Variants in COA8 observed in about 807,000 individuals in gnomAD.
COA8 encodes UPF0671 protein C14orf153.
A neutral mutation model predicts 22.0 loss-of-function variants in COA8; 20 were observed. The ratio of observed to expected loss-of-function variants is 0.91; its 90% confidence interval spans 0.64 to 1.32. COA8 has a LOEUF of 1.32. COA8 is among the 40% of genes most tolerant of loss of function. The pLI is 0.00. For synonymous variants in COA8, 105 were observed against 79.9 expected (o/e 1.31, Z -1.68); for missense variants, 266 against 230.0 (o/e 1.16, Z -1.01).
At chr14:103,584,077 G>C (rs552845547) in intron 3 of COA8, among the ~76,000 whole-genome samples, 1 of 151,950 alleles carries the variant, frequency 6.6e-6, no homozygotes, top group Non-Finnish European at 1.5e-5. Context: ...TCACTCTGTC[G>C]CCCAGGCTGA....
At position 103,563,086 on chromosome 14, in the gene COA8, G is replaced by C; in HGVS notation, c.85G>C (p.Glu29Gln). 6.5e-7 allele frequency: 1 copy of C among 1,540,444 alleles called. No individual in the cohort carries two copies. Among genetic ancestry groups the C allele is most frequent in the African/African-American group, 1.4e-5 (1 of 73,342 alleles). Residue 29 changes from glutamate (E) to glutamine (Q), a missense_variant, in exon 1 of 5, where the codon GAG becomes CAG. Glu to Gln is a conservative substitution (Grantham distance 29, BLOSUM62 2). Transcript: ENST00000409074. ...CTGCCGCGGCTGTCAACTCGCTCCG[G>C]AGCGCGGCGCCGAGCGCAGGGATAC... ...FACRGCQLAP[E>Q]RGAERRDTAP...
Position 103,571,555 on chromosome 14 carries a change from C to T in COA8, c.124-68C>T. On this transcript the variant is annotated intron_variant, in intron 1 of 4. Transcript: ENST00000409074. The stretch of plus-strand genomic sequence containing the variant: ...CCGTCTCTAAGTAAATAAATAAATC[C>T]AGATTGTACATTTTATAATACTAGA... 4 of 1,423,980 alleles carry T rather than the reference C, an allele frequency of 2.8e-6. No homozygotes were observed. In the South Asian group the frequency reaches 4.8e-5, roughly 17 times the overall value. 88.2% of individuals were successfully genotyped at this position (1,423,980 alleles called of 1,614,324 possible).
intron 1 of COA8, among the ~76,000 whole-genome samples, chr14:103,567,033 T>C (rs1420727390): frequency 2.0e-5 from 3 of 152,148 alleles, no homozygotes; most frequent in African/African-American, 4.8e-5. Flanking sequence ...TCAGCCTCTT[T>C]AGTAGCTGGG....
intron 3 of COA8, among the ~76,000 whole-genome samples, chr14:103,578,447 C>T (rs887035421): frequency 6.6e-6 from 1 of 152,184 alleles, no homozygotes; most frequent in Non-Finnish European, 1.5e-5. Context: ...AATTAAATCT[C>T]ATTTGTAAGG....
intron 3 of COA8, among the ~76,000 whole-genome samples, chr14:103,586,328 C>A (rs1320050128): frequency 6.6e-6 from 1 of 151,414 alleles, no homozygotes. Flanking sequence ...CTTCCCCGGC[C>A]TCTTGAGTAG....
chr14:103,580,518 G>A (rs574970126), intron 3 of COA8, among the ~76,000 whole-genome samples: 20 of 150,874 alleles, frequency 1.3e-4, no homozygotes, highest in African/African-American at 3.9e-4. Context: ...TTTTTGAAGC[G>A]GAGTCTCACT....
intron 3 of COA8, 155 bp downstream of exon 3, chr14:103,574,325 T>A: frequency 1.0e-6 from 1 of 976,656 alleles, no homozygotes; most frequent in Non-Finnish European, 1.6e-6. Flanking sequence ...CCAAGTTCTC[T>A]TGCACACCCA....
At chr14:103,579,289 C>T (rs538087857) in intron 3 of COA8, 9 of 178,072 alleles carry the variant, frequency 5.1e-5, no homozygotes, top group Non-Finnish European at 8.5e-5. Flanking sequence ...GTTCAACCAA[C>T]CACAGATTGA....
Position 103,581,036 on chromosome 14 carries a change from G to A in COA8, c.386-6238G>A, listed in dbSNP as rs2076263915. Among the ~76,000 whole-genome samples, 2 of 150,248 alleles carry A rather than the reference G, an allele frequency of 1.3e-5. No homozygotes were observed. The highest frequency in any genetic ancestry group is 4.2e-4 in the South Asian group (2 of 4,718). ...GCTGTTCTGGAACTCCCAACCTCAGGTGATCCGCCCGTCTTGGCCTCCCAA... is the reference window on the plus strand; with the variant it reads ...GCTGTTCTGGAACTCCCAACCTCAGATGATCCGCCCGTCTTGGCCTCCCAA... On this transcript the variant is annotated intron_variant, in intron 3 of 4. Coordinates refer to ENST00000409074, the MANE Select transcript of COA8 (RefSeq NM_001370595.2). The surrounding 1 kb of genome is among the most constrained non-coding windows in gnomAD (Gnocchi z 4.1).
intron 1 of COA8, among the ~76,000 whole-genome samples, chr14:103,571,342 C>T (rs1414075230): frequency 6.6e-6 from 1 of 151,834 alleles, no homozygotes; most frequent in Non-Finnish European, 1.5e-5. Flanking sequence ...GCCCTCCAGC[C>T]TGAGCGACAG....
In COA8 at chr14:103,562,970, C is replaced by T; in HGVS notation, c.-32C>T. 3.3e-6 allele frequency: 5 copies of T among 1,513,626 alleles called. No individual in the cohort carries two copies. Among genetic ancestry groups the T allele is most frequent in the African/African-American group, 1.4e-5 (1 of 71,044 alleles). The allele number at this position is 1,513,626 out of a possible 1,614,324, so 93.8% of individuals were successfully genotyped here. A position where few individuals can be genotyped will look rare whatever the true frequency, so the allele number is the denominator to read the frequency against. On this transcript the variant is annotated 5_prime_UTR_variant, in exon 1 of 5. Transcript: ENST00000409074. ...GCCCCTCGCGCCGTCGCAATGCTGC[C>T]GTGCGCCGCGGGAGCCAGGGGGCGT... is the stretch of plus-strand genomic sequence containing the variant.
chr14:103,571,934 T>C, intron 2 of COA8, 114 bp downstream of exon 2: 2 of 846,044 alleles, frequency 2.4e-6, no homozygotes. Context: ...GAGACCATCC[T>C]GGCTAACACG....
Position 103,563,009 on chromosome 14 carries a change from T to G in COA8, c.8T>G (p.Val3Gly), listed in dbSNP as rs61733762. The G allele has an allele frequency of 1.3e-6, 2 of 1,558,392 alleles. No individual in the cohort carries two copies. The highest frequency in any genetic ancestry group is 1.8e-5 in the Admixed American group (1 of 54,928). Residue 3 changes from valine (V) to glycine (G), a missense_variant, in exon 1 of 5, where the codon GTC becomes GGC. Val to Gly is a moderately radical substitution (Grantham distance 109). Coordinates refer to ENST00000409074, the MANE Select transcript of COA8 (RefSeq NM_001370595.2). The stretch of plus-strand genomic sequence containing the variant: ...GCCAGGGGGCGTGGGGCCATGGTGG[T>G]CTTGCGGGCGGGGAAGAAGACCTTT... MV[V>G]LRAGKKTFLP... is the part of the protein sequence containing the mutation.
At chr14:103,574,649 A>G in intron 3 of COA8, 1 of 353,360 alleles carries the variant, frequency 2.8e-6, no homozygotes, top group East Asian at 7.7e-5. Flanking sequence ...CAAGTCTGTC[A>G]TTGGGCTAAA....
Position 103,571,609 on chromosome 14 carries a change from T to G in COA8, c.124-14T>G, listed in dbSNP as rs754331303. 1.2e-6 allele frequency: 2 copies of G among 1,602,904 alleles called. No homozygotes were observed. The highest frequency in any genetic ancestry group is 1.7e-6 in the Non-Finnish European group (2 of 1,171,848). ...TCATTTTGTCATATGTTAATCCAAT[T>G]TACTTTGTTAAAGGTCTCAAGATTC... On this transcript the variant is annotated splice_polypyrimidine_tract_variant and intron_variant, in intron 1 of 4. Coordinates refer to ENST00000409074, the MANE Select transcript of COA8 (RefSeq NM_001370595.2).
chr14:103,584,286 T>C (rs927028422), intron 3 of COA8, among the ~76,000 whole-genome samples: 1 of 152,182 alleles, frequency 6.6e-6, no homozygotes, highest in African/African-American at 2.4e-5. Flanking sequence ...GAGGTAGGCA[T>C]GGTTGATTAA....
chr14:103,574,509 A>G (rs2076216493), intron 3 of COA8: 1 of 503,702 alleles, frequency 2.0e-6, no homozygotes, highest in African/African-American at 1.9e-5. Flanking sequence ...CAGTGCTCAA[A>G]ATAGCCTCTC....
At chr14:103,568,633 A>G (rs1173419751) in intron 1 of COA8, among the ~76,000 whole-genome samples, 1 of 149,586 alleles carries the variant, frequency 6.7e-6, no homozygotes, top group Non-Finnish European at 1.5e-5. Flanking sequence ...ATATATATAT[A>G]TATATATATA....
rs895767463 is a variant in COA8, at chr14:103,590,498, C to T, written c.*212C>T. ...CTCTAGGCCAGCTTGTTGTCACGTACGTGGTGTGAAATAAAGCCCAAGCAC... is the reference window on the plus strand; with the variant it reads ...CTCTAGGCCAGCTTGTTGTCACGTATGTGGTGTGAAATAAAGCCCAAGCAC... On this transcript the variant is annotated 3_prime_UTR_variant, in exon 5 of 5. Coordinates refer to ENST00000409074, the MANE Select transcript of COA8 (RefSeq NM_001370595.2). 2.0e-5 allele frequency: 10 copies of T among 503,898 alleles called. No individual in the cohort carries two copies. Among genetic ancestry groups the T allele is most frequent in the East Asian group, 6.8e-5 (2 of 29,236 alleles). The allele number at this position is 503,898 out of a possible 1,614,324, so 31.2% of individuals were successfully genotyped here.
Sources: allele counts gnomAD v4.1 joint callset (sites outside exome capture counted in the v4.1 genomes callset), GRCh38; gene constraint gnomAD v4.1.1; non-coding constraint Gnocchi (gnomAD v3.1); transcripts MANE v1.5; gene names NCBI Gene and HGNC (gene_info 2026-07-23, HGNC 2026-07-21).